The following EYS variants were observed in gnomAD, a reference collection of about 807,000 sequenced individuals.
The protein encoded by EYS is EGF-like photoreceptor maintenance factor.
A neutral mutation model predicts 282.1 loss-of-function variants in EYS; 250 were observed. That is an observed-to-expected ratio of 0.89 (90% confidence interval 0.80 to 0.98). The LOEUF is 0.98. Among genes scored for constraint, EYS ranks in the 50% least tolerant of loss-of-function variants. The pLI, the probability that EYS is intolerant of heterozygous loss-of-function variation, is 0.00. For missense variants in EYS, 4,016 were observed against 3,709.0 expected, an observed-to-expected ratio of 1.08 and a Z score of -2.15; for synonymous variants, 1,355 against 1,282.9, an observed-to-expected ratio of 1.06 and a Z score of -1.20.
intron 26 of EYS, among the ~76,000 whole-genome samples, chr6:64,446,731 T>C (rs575932199): frequency 2.6e-5 from 4 of 152,220 alleles, no homozygotes; most frequent in African/African-American, 9.6e-5. Flanking sequence ...GTTTGATAAT[T>C]ACTCTGTAGT....
At chr6:65,567,304 T>A (rs1220101335) in intron 2 of EYS, among the ~76,000 whole-genome samples, 2 of 149,720 alleles carry the variant, frequency 1.3e-5, no homozygotes, top group African/African-American at 4.9e-5. Context: ...ACATATAAAT[T>A]AAATATAAGT....
intron 12 of EYS, among the ~76,000 whole-genome samples, chr6:65,160,180 G>T (rs985769274): frequency 4.6e-5 from 7 of 150,844 alleles, no homozygotes; most frequent in African/African-American, 1.2e-4. Flanking sequence ...TCTACTGGAT[G>T]TAAAATTTGG....
At chr6:64,482,816 C>T (rs1776474768) in intron 26 of EYS, among the ~76,000 whole-genome samples, 1 of 151,638 alleles carries the variant, frequency 6.6e-6, no homozygotes, top group African/African-American at 2.4e-5. Flanking sequence ...AATTTTTTTA[C>T]CTGCAGATGA....
At chr6:64,580,397 A>G (rs1052388859) in intron 26 of EYS, among the ~76,000 whole-genome samples, 4 of 152,172 alleles carry the variant, frequency 2.6e-5, no homozygotes, top group Admixed American at 6.6e-5. Flanking sequence ...AAGTCTTCCA[A>G]TAGGCAGTGG....
intron 12 of EYS, among the ~76,000 whole-genome samples, chr6:65,088,826 CAG>C (rs1190586514): frequency 6.6e-6 from 1 of 152,176 alleles, no homozygotes; most frequent in Non-Finnish European, 1.5e-5. Context: ...GGGCCAGGCC[CAG>C]AGTCCCCCTT....
At chr6:64,025,593 G>A (rs1769457526) in intron 33 of EYS, among the ~76,000 whole-genome samples, 1 of 152,048 alleles carries the variant, frequency 6.6e-6, no homozygotes, top group African/African-American at 2.4e-5. Flanking sequence ...CCTTCTTTAG[G>A]CACCTGGGCT....
At chr6:63,745,510 G>A (rs1348522816) in intron 41 of EYS, among the ~76,000 whole-genome samples, 1 of 152,206 alleles carries the variant, frequency 6.6e-6, no homozygotes, top group African/African-American at 2.4e-5. Context: ...TCTTCAATGT[G>A]TTGTGAGAAA....
intron 26 of EYS, among the ~76,000 whole-genome samples, chr6:64,450,996 A>G (rs1437895567): frequency 6.6e-6 from 1 of 152,226 alleles, no homozygotes; most frequent in Non-Finnish European, 1.5e-5. Flanking sequence ...AAGGCAAGAA[A>G]TAACTAAGAT....
At chr6:64,517,070 C>T (rs959087788) in intron 26 of EYS, among the ~76,000 whole-genome samples, 1 of 151,750 alleles carries the variant, frequency 6.6e-6, no homozygotes, top group Non-Finnish European at 1.5e-5. Flanking sequence ...AAAATATTCA[C>T]TTTTTCATTT....
intron 29 of EYS, chr6:64,377,880 G>C (rs1772613671): frequency 6.6e-6 from 1 of 152,080 alleles, no homozygotes. Context: ...GTATAAGCTT[G>C]AACAAATTAC....
chr6:65,106,119 A>G (rs764122541), intron 12 of EYS, among the ~76,000 whole-genome samples: 1 of 151,970 alleles, frequency 6.6e-6, no homozygotes, highest in African/African-American at 2.4e-5. Context: ...TCATTGGAGA[A>G]AAATTAGACA....
intron 11 of EYS, among the ~76,000 whole-genome samples, chr6:65,323,957 C>G (rs1411947149): frequency 2.0e-5 from 3 of 152,246 alleles, no homozygotes; most frequent in African/African-American, 7.2e-5. Flanking sequence ...TTCCCAGTCA[C>G]TCTGGTCTCA....
At chr6:64,522,422 G>A (rs1012119653) in intron 26 of EYS, among the ~76,000 whole-genome samples, 2 of 151,738 alleles carry the variant, frequency 1.3e-5, no homozygotes, top group Non-Finnish European at 2.9e-5. Context: ...GGGCAGTGGA[G>A]TGGGGTGGGA....
chr6:64,921,984 C>G (rs1768359111), intron 15 of EYS, among the ~76,000 whole-genome samples: 1 of 151,392 alleles, frequency 6.6e-6, no homozygotes, highest in African/African-American at 2.4e-5. Flanking sequence ...AAAAAAAAAA[C>G]TTGCTTGAAA....
chr6:64,710,269 AT>A (rs1390868348), intron 22 of EYS, among the ~76,000 whole-genome samples: 4 of 152,198 alleles, frequency 2.6e-5, no homozygotes, highest in African/African-American at 9.6e-5. Flanking sequence ...TCCACATGGC[AT>A]TTCATAGCTG....
At chr6:64,686,869 G>T in intron 22 of EYS, among the ~76,000 whole-genome samples, 1 of 103,828 alleles carries the variant, frequency 9.6e-6, no homozygotes, top group East Asian at 2.4e-4. Flanking sequence ...ATATATATAC[G>T]TGTATATATA....
intron 36 of EYS, among the ~76,000 whole-genome samples, chr6:63,853,476 A>G (rs1382680005): frequency 2.0e-5 from 3 of 152,234 alleles, no homozygotes; most frequent in African/African-American, 4.8e-5. Context: ...CTTCAAGGAA[A>G]TAAGAGAGGA....
chr6:64,359,653 C>T (rs977706035), intron 29 of EYS, among the ~76,000 whole-genome samples: 5 of 151,662 alleles, frequency 3.3e-5, no homozygotes, highest in Non-Finnish European at 5.9e-5. Flanking sequence ...CCAGTGAATT[C>T]GGTTTCTGGT....
intron 26 of EYS, among the ~76,000 whole-genome samples, chr6:64,514,009 G>T (rs1777487043): frequency 6.6e-6 from 1 of 151,808 alleles, no homozygotes; most frequent in East Asian, 1.9e-4. Flanking sequence ...CAAGGAGGGG[G>T]TCAATAATGT....
Sources: allele counts gnomAD v4.1 joint callset (sites outside exome capture counted in the v4.1 genomes callset), GRCh38; gene constraint gnomAD v4.1.1; transcripts MANE v1.5; gene names NCBI Gene and HGNC (gene_info 2026-07-23, HGNC 2026-07-21).